The following RNF144B variants were observed in gnomAD, a reference collection of about 807,000 sequenced individuals.
The protein encoded by RNF144B is E3 ubiquitin-protein ligase RNF144B.
RNF144B carries 25 observed loss-of-function variants against 40.2 expected under a neutral mutation model. That is an observed-to-expected ratio of 0.62 (90% CI 0.45 to 0.87). The LOEUF is 0.87. Among genes scored for constraint, RNF144B ranks in the 40% least tolerant of loss-of-function variants. The probability of loss-of-function intolerance (pLI) is 0.00; values close to 1 mark genes in which losing one functional copy is unlikely to be tolerated. For synonymous variants in RNF144B, 145 were observed against 136.3 expected (o/e 1.06, Z -0.44); for missense variants, 365 against 373.7 (o/e 0.98, Z 0.19).
At chr6:18,408,935 AGTGTTT>A (rs1232428416) in intron 2 of RNF144B, among the ~76,000 whole-genome samples, 1 of 82,812 alleles carries the variant, frequency 1.2e-5, no homozygotes, top group African/African-American at 3.7e-5. Context: ...AGTCCAGAAA[AGTGTTT>A]TTTTTTTTTT....
rs146251521 is a variant in RNF144B, at chr6:18,421,315, CAT to C, written c.166-6258_166-6257del. On this transcript the variant is annotated intron_variant, in intron 2 of 7. Transcript: ENST00000259939. ...ACACACACACACACACACACACACA[CAT>C]ATATATAAAATAAAATTACAGACCA... Among the ~76,000 whole-genome samples, 1,057 of 142,518 alleles carry C rather than the reference CAT, an allele frequency of 7.4e-3. 6 individuals are homozygous for C. Among genetic ancestry groups the C allele is most frequent in the Non-Finnish European group, 9.2e-3 (595 of 65,004 alleles). 93.5% of individuals were successfully genotyped at this position (142,518 alleles called of 152,430 possible).
chr6:18,455,609 AC>A (rs1243571707), intron 4 of RNF144B, among the ~76,000 whole-genome samples: 2 of 152,156 alleles, frequency 1.3e-5, no homozygotes, highest in Non-Finnish European at 2.9e-5. Flanking sequence ...TTTGCAAAAT[AC>A]CTGAGTTCAG....
At position 18,396,628 on chromosome 6, in the gene RNF144B, G is replaced by C. The variant is rs575243857; in HGVS notation, c.-36-2871G>C. On this transcript the variant is annotated intron_variant, in intron 1 of 7. Coordinates refer to ENST00000259939, the MANE Select transcript of RNF144B (RefSeq NM_182757.4). The stretch of plus-strand genomic sequence containing the variant: ...GCATTTACTACCTACGTTTCTTCTT[G>C]TTGTTTTACTTGGGATTTCTCTTGA... 3.9e-4 allele frequency: 388 copies of C among 985,204 alleles called. 2 individuals are homozygous for C. The highest frequency in any genetic ancestry group is 3.7e-3 in the Middle Eastern group (7 of 1,914). The allele number at this position is 985,204 out of a possible 1,614,324, so 61.0% of individuals were successfully genotyped here.
At chr6:18,430,038 A>G (rs1469272163) in intron 3 of RNF144B, among the ~76,000 whole-genome samples, 2 of 152,220 alleles carry the variant, frequency 1.3e-5, no homozygotes, top group South Asian at 2.1e-4. Context: ...CATAAAATCT[A>G]TTAAACATAA....
intron 4 of RNF144B, among the ~76,000 whole-genome samples, chr6:18,445,833 G>A (rs1759068891): frequency 6.6e-6 from 1 of 152,124 alleles, no homozygotes; most frequent in African/African-American, 2.4e-5. Flanking sequence ...TTGAAGGGAG[G>A]GCAACCGGAC....
intron 2 of RNF144B, among the ~76,000 whole-genome samples, chr6:18,409,956 C>G (rs1703116585): frequency 6.6e-6 from 1 of 152,126 alleles, no homozygotes; most frequent in African/African-American, 2.4e-5. Context: ...TAATGTGGAA[C>G]AGAATTTTAT....
chr6:18,396,891 G>A (rs1280548100), intron 1 of RNF144B: 1 of 894,104 alleles, frequency 1.1e-6, no homozygotes, highest in Non-Finnish European at 1.3e-6. Context: ...TCAAAATCCT[G>A]AATTTGACGT....
chr6:18,427,502 A>T, intron 2 of RNF144B, 79 bp from the exon 3 acceptor site: 16 of 888,260 alleles, frequency 1.8e-5, no homozygotes, highest in Non-Finnish European at 2.9e-5. Flanking sequence ...AAGGAAGAAG[A>T]CACAGTGGTG....
At position 18,402,678 on chromosome 6, in the gene RNF144B, C is replaced by T. The variant is rs377133432; in HGVS notation, c.165+2979C>T. ...CCCTTTTGAGTGGAACATCTATTGC[C>T]CACAACCAGTGCTCTGAGGAACACT... On this transcript the variant is annotated intron_variant, in intron 2 of 7. Coordinates refer to ENST00000259939, the MANE Select transcript of RNF144B (RefSeq NM_182757.4). Among the ~76,000 whole-genome samples the T allele has an allele frequency of 1.3e-3, 200 of 152,252 alleles. 2 individuals are homozygous for T. Among genetic ancestry groups the T allele is most frequent in the South Asian group, 9.5e-3 (46 of 4,828 alleles).
intron 1 of RNF144B, among the ~76,000 whole-genome samples, chr6:18,397,431 G>A (rs752628669): frequency 6.6e-6 from 1 of 152,140 alleles, no homozygotes; most frequent in Non-Finnish European, 1.5e-5. Flanking sequence ...TTTAAAAATA[G>A]TAAGAACTAT....
intron 2 of RNF144B, among the ~76,000 whole-genome samples, chr6:18,426,307 T>TA (rs1758551075): frequency 6.6e-6 from 1 of 152,222 alleles, no homozygotes; most frequent in South Asian, 2.1e-4. Flanking sequence ...TGGTGGAATG[T>TA]ACTCCTCAAC....
In RNF144B at chr6:18,422,951, CAA is replaced by C. The variant is rs58597328; in HGVS notation, c.166-4616_166-4615del. 9.4e-4 allele frequency among the ~76,000 whole-genome samples: 135 copies of C among 143,812 alleles called. No homozygotes were observed. Among genetic ancestry groups the C allele is most frequent in the Middle Eastern group, 7.2e-3 (2 of 276 alleles). 94.3% of individuals were successfully genotyped at this position (143,812 alleles called of 152,430 possible). A position where few individuals can be genotyped will look rare whatever the true frequency, so the allele number is the denominator to read the frequency against. ...TGGGCAACAGAGCAAGACCCAGTCT[CAA>C]AAAAAAAAAAAAATCAACTAATGGC... On this transcript the variant is annotated intron_variant, in intron 2 of 7. Transcript: ENST00000259939. The surrounding 1 kb of genome is among the most constrained non-coding windows in gnomAD (Gnocchi z 4.7).
chr6:18,451,195 C>T (rs757282624), intron 4 of RNF144B, among the ~76,000 whole-genome samples: 1 of 152,148 alleles, frequency 6.6e-6, no homozygotes, highest in African/African-American at 2.4e-5. Flanking sequence ...TCATTTTAAA[C>T]ATCTATTTCC....
chr6:18,429,282 GTGTGTGTGTGCAGACACACATGTAGA>G (rs544897779), intron 3 of RNF144B, among the ~76,000 whole-genome samples: 2 of 152,188 alleles, frequency 1.3e-5, no homozygotes, highest in East Asian at 3.9e-4. Flanking sequence ...AGCTCAATTT[GTGTGTGTGTGCAGACACACATGTAGA>G]TGTGTGTGTG....
chr6:18,436,890 A>T (rs977249560), intron 3 of RNF144B, among the ~76,000 whole-genome samples: 1 of 88,582 alleles, frequency 1.1e-5, no homozygotes, highest in Non-Finnish European at 2.2e-5. Flanking sequence ...AACCTTTTGT[A>T]TCATTTGTTG....
chr6:18,449,855 A>G (rs1286618353), intron 4 of RNF144B, among the ~76,000 whole-genome samples: 7 of 152,168 alleles, frequency 4.6e-5, no homozygotes, highest in Admixed American at 4.6e-4. Context: ...GTTGTACAAT[A>G]ATCTCTAGCA....
At chr6:18,393,328 G>T (rs1794625116) in intron 1 of RNF144B, among the ~76,000 whole-genome samples, 1 of 152,144 alleles carries the variant, frequency 6.6e-6, no homozygotes, top group Non-Finnish European at 1.5e-5. Flanking sequence ...TGCAAGCGGA[G>T]AGTAGAGCTA....
rs1483448160 is a variant in RNF144B at position 18,422,411 on chromosome 6, ATGT to A, written c.166-5169_166-5167del. 2.6e-5 allele frequency among the ~76,000 whole-genome samples: 4 copies of A among 152,310 alleles called. No individual in the cohort carries two copies. In the East Asian group the frequency reaches 7.7e-4, roughly 29 times the overall value. ...AATGTTAGTCTACATTTTATGGAAT[ATGT>A]ACTTCAGTGTTTGCATTGTACCTGG... On this transcript the variant is annotated intron_variant, in intron 2 of 7. Coordinates refer to ENST00000259939, the MANE Select transcript of RNF144B (RefSeq NM_182757.4). This position sits in a 1 kb window ranked among gnomAD's most constrained non-coding sequence, Gnocchi z 4.7.
chr6:18,430,141 C>A (rs1758661464), intron 3 of RNF144B, among the ~76,000 whole-genome samples: 1 of 152,162 alleles, frequency 6.6e-6, no homozygotes, highest in African/African-American at 2.4e-5. Context: ...TAGCCACTAG[C>A]CACATGTGGC....
Sources: gnomAD v4.1 joint callset for allele counts (sites outside exome capture counted in the v4.1 genomes callset) on GRCh38, gnomAD v4.1.1 for gene constraint, Gnocchi (gnomAD v3.1) non-coding constraint, MANE v1.5 for transcripts, NCBI Gene and HGNC (gene_info 2026-07-23, HGNC 2026-07-21) for gene names.